The following PAN3 variants were observed in gnomAD, a reference collection of about 807,000 sequenced individuals.
PAN3 encodes PAN2-PAN3 deadenylation complex subunit PAN3.
Under a neutral mutation model 96.2 loss-of-function variants are expected in PAN3, and 19 were observed. The observed-to-expected ratio is 0.20, with a 90% CI of 0.14 to 0.29. PAN3 has a LOEUF of 0.29. PAN3 is among the 10% of genes least tolerant of loss of function. PAN3 has a pLI of 1.00. For synonymous variants in PAN3, 433 were observed against 406.6 expected, an observed-to-expected ratio of 1.06 and a Z score of -0.78; for missense variants, 882 against 1,108.1, an observed-to-expected ratio of 0.80 and a Z score of 2.90.
At chr13:28,252,240 G>A (rs577377425) in intron 6 of PAN3, among the ~76,000 whole-genome samples, 1 of 133,930 alleles carries the variant, frequency 7.5e-6, no homozygotes, top group African/African-American at 2.8e-5. Context: ...ATGTTGGGAT[G>A]TTGTGTTTTA....
At chr13:28,151,980 G>A (rs1167303311) in intron 1 of PAN3, among the ~76,000 whole-genome samples, 2 of 152,168 alleles carry the variant, frequency 1.3e-5, no homozygotes, top group Non-Finnish European at 2.9e-5. Flanking sequence ...TCATGGAACT[G>A]TATGAGTTCA....
intron 18 of PAN3, 140 bp downstream of exon 18, chr13:28,288,262 T>G: frequency 1.4e-6 from 1 of 731,930 alleles, no homozygotes; most frequent in Non-Finnish European, 2.1e-6. Flanking sequence ...TAATAACATT[T>G]TCTACAATGG....
chr13:28,181,937 T>G (rs1256124913), intron 4 of PAN3, among the ~76,000 whole-genome samples: 1 of 152,190 alleles, frequency 6.6e-6, no homozygotes, highest in Non-Finnish European at 1.5e-5. Flanking sequence ...AACCATTATT[T>G]GAGGTTTGTT....
Position 28,138,887 on chromosome 13 carries a change from C to A in PAN3, c.230C>A (p.Pro77Gln), listed in dbSNP as rs867241839. 7.1e-7 allele frequency: 1 copy of A among 1,409,790 alleles called. No homozygotes were observed. Among genetic ancestry groups the A allele is most frequent in the East Asian group, 2.9e-5 (1 of 35,010 alleles). The allele number at this position is 1,409,790 out of a possible 1,614,324, so 87.3% of individuals were successfully genotyped here. ...GAGGACCCTGCCGCCGGGGCTGCCC[C>A]GGGCCTCGGCCTCCATAGCAACAGC... The part of the protein sequence containing the change: ...LHEDPAAGAA[P>Q]GLGLHSNSVP... Residue 77 changes from proline to glutamine, a missense_variant, in exon 1 of 19, where the codon CCG becomes CAG. Pro to Gln is a moderately conservative substitution (Grantham distance 76). This residue lies in a region of PAN3 where 442 missense variants were observed against 422.8 expected (regional missense o/e 1.05). Coordinates refer to ENST00000380958, the MANE Select transcript of PAN3 (RefSeq NM_175854.8).
intron 6 of PAN3, among the ~76,000 whole-genome samples, chr13:28,225,481 C>A (rs1442152746): frequency 6.6e-6 from 1 of 152,160 alleles, no homozygotes; most frequent in Admixed American, 6.5e-5. Context: ...TAGGCAATAA[C>A]ATGATATTGG....
intron 6 of PAN3, chr13:28,239,729 T>G (rs1246419154): frequency 8.3e-7 from 1 of 1,206,216 alleles, no homozygotes; most frequent in South Asian, 1.3e-5. Flanking sequence ...ATTGTTGAGT[T>G]CAGCAACTTT....
At chr13:28,259,721 C>A (rs1021932921) in intron 7 of PAN3, among the ~76,000 whole-genome samples, 2 of 152,018 alleles carry the variant, frequency 1.3e-5, no homozygotes, top group Admixed American at 1.3e-4. Context: ...TCACCACAAC[C>A]TCTGCCTCCC....
chr13:28,180,445 A>C (rs1055070008), intron 4 of PAN3, among the ~76,000 whole-genome samples: 1 of 152,210 alleles, frequency 6.6e-6, no homozygotes, highest in African/African-American at 2.4e-5. Flanking sequence ...TCAAATCTCA[A>C]AATCTCTTTA....
At chr13:28,181,551 A>C (rs1875785997) in intron 4 of PAN3, among the ~76,000 whole-genome samples, 1 of 151,606 alleles carries the variant, frequency 6.6e-6, no homozygotes, top group South Asian at 2.1e-4. Context: ...AACAAAGTAC[A>C]GAAGGGTCAC....
At position 28,138,595 on chromosome 13, in the gene PAN3, G is replaced by A; in HGVS notation, c.-63G>A. ...CGGCAGCGTCTTCCTTTCCTCCCCC[G>A]TCTATGGTGGTGGCGGCGGCGGCTC... On this transcript the variant is annotated 5_prime_UTR_variant, in exon 1 of 19. Transcript: ENST00000380958. 1 of 425,146 alleles carries A rather than the reference G, an allele frequency of 2.4e-6. No homozygotes were observed. Among genetic ancestry groups the A allele is most frequent in the Non-Finnish European group, 4.0e-6 (1 of 249,180 alleles). 26.3% of individuals were successfully genotyped at this position (425,146 alleles called of 1,614,324 possible).
At chr13:28,287,182 C>T (rs1460598465) in intron 17 of PAN3, among the ~76,000 whole-genome samples, 1 of 152,226 alleles carries the variant, frequency 6.6e-6, no homozygotes, top group African/African-American at 2.4e-5. Flanking sequence ...GCCACTACTT[C>T]CTCTGGAAAA....
Position 28,206,744 on chromosome 13 carries a change from T to C in PAN3, c.852+9398T>C, listed in dbSNP as rs1211136245. ...CTTAGATTGTTATTAGTGGGTTTTTTTTTTTTGTAAGACTTCTTGGCCTTT... is the reference window on the plus strand; with the variant it reads ...CTTAGATTGTTATTAGTGGGTTTTTCTTTTTTGTAAGACTTCTTGGCCTTT... On this transcript the variant is annotated intron_variant, in intron 5 of 18. Transcript: ENST00000380958. Among the ~76,000 whole-genome samples, 12 of 151,990 alleles carry C rather than the reference T, an allele frequency of 7.9e-5. No homozygotes were observed. In the East Asian group the frequency reaches 2.3e-3, roughly 29 times the overall value.
At chr13:28,186,395 T>G (rs886074234) in intron 4 of PAN3, among the ~76,000 whole-genome samples, 1 of 152,250 alleles carries the variant, frequency 6.6e-6, no homozygotes, top group Admixed American at 6.5e-5. Flanking sequence ...CTCTCAGACT[T>G]ACTTTTATCA....
At chr13:28,171,390 A>G (rs1186531200) in intron 1 of PAN3, among the ~76,000 whole-genome samples, 1 of 152,120 alleles carries the variant, frequency 6.6e-6, no homozygotes, top group East Asian at 1.9e-4. Flanking sequence ...TTCAATTATG[A>G]CACTACTTGG....
At chr13:28,180,171 T>C (rs1429220635) in intron 4 of PAN3, among the ~76,000 whole-genome samples, 1 of 152,216 alleles carries the variant, frequency 6.6e-6, no homozygotes, top group Non-Finnish European at 1.5e-5. Flanking sequence ...GACCTCATCA[T>C]TACCATAGTT....
At chr13:28,233,081 A>G (rs1882744132) in intron 6 of PAN3, among the ~76,000 whole-genome samples, 1 of 152,184 alleles carries the variant, frequency 6.6e-6, no homozygotes, top group African/African-American at 2.4e-5. Flanking sequence ...AAAATTTTAA[A>G]TCAGTAATTC....
At chr13:28,274,578 C>T (rs9554301) in intron 14 of PAN3, among the ~76,000 whole-genome samples, 1 of 151,140 alleles carries the variant, frequency 6.6e-6, no homozygotes, top group African/African-American at 2.4e-5. Context: ...GTGTAGTTAC[C>T]TTGAAAAACA....
In PAN3 at chr13:28,266,600, C is replaced by T. The variant is rs973396829; in HGVS notation, c.1412-115C>T. 5.2e-6 allele frequency: 4 copies of T among 762,202 alleles called. No individual in the cohort carries two copies. The South Asian group carries it at 1.0e-4, about 20-fold the overall frequency. The allele number at this position is 762,202 out of a possible 1,614,324, so 47.2% of individuals were successfully genotyped here. A position where few individuals can be genotyped will look rare whatever the true frequency, so the allele number is the denominator to read the frequency against. ...TAAATGTTTACACTATTCTAAAATA[C>T]AAGAGCACATTGTGATACACAAGGG... On this transcript the variant is annotated intron_variant, in intron 9 of 18. Transcript: ENST00000380958.
At chr13:28,252,490 C>T (rs1884818119) in intron 6 of PAN3, among the ~76,000 whole-genome samples, 1 of 152,000 alleles carries the variant, frequency 6.6e-6, no homozygotes, top group Non-Finnish European at 1.5e-5. Flanking sequence ...TCCAAAAAAA[C>T]AGTGATGCTT....
Sources: gnomAD v4.1 joint callset for allele counts (sites outside exome capture counted in the v4.1 genomes callset) on GRCh38, gnomAD v4.1.1 for gene constraint, gnomAD v4.1.1 regional missense constraint, MANE v1.5 for transcripts, NCBI Gene and HGNC (gene_info 2026-07-23, HGNC 2026-07-21) for gene names.